TRIM61: variants seen among roughly 807,000 people sequenced by gnomAD.
TRIM61 encodes the protein tripartite motif containing 61, also known as putative tripartite motif-containing protein 61.
In TRIM61, 1 loss-of-function variant was observed where a neutral mutation model predicts 14.2. That is an observed-to-expected ratio of 0.07 (90% CI 0.03 to 0.33). TRIM61 has a LOEUF of 0.33. Ranked by LOEUF, TRIM61 falls within the 10% of genes least tolerant of loss-of-function variation. The probability of loss-of-function intolerance (pLI) is 0.99; values close to 1 mark genes in which losing one functional copy is unlikely to be tolerated. For missense variants in TRIM61, 19 were observed against 202.2 expected, an observed-to-expected ratio of 0.09 and a Z score of 5.49; for synonymous variants, 8 against 71.6, an observed-to-expected ratio of 0.11 and a Z score of 4.49.
intron 2 of TRIM61, among the ~76,000 whole-genome samples, chr4:164,975,274 A>T (rs1732457435): frequency 6.6e-6 from 1 of 152,080 alleles, no homozygotes; most frequent in Non-Finnish European, 1.5e-5. Context: ...ATAGTTAGTA[A>T]ACTGCAGAGC....
intron 2 of TRIM61, among the ~76,000 whole-genome samples, chr4:164,976,318 T>C (rs1028236431): frequency 6.6e-6 from 1 of 152,202 alleles, no homozygotes; most frequent in Non-Finnish European, 1.5e-5. Context: ...TTATTTCTTT[T>C]CTCAGTCTCT....
chr4:164,958,516 G>A (rs1560882470), intron 3 of TRIM61: 2 of 166,998 alleles, frequency 1.2e-5, no homozygotes, highest in East Asian at 1.9e-4. Flanking sequence ...TTTAGGAGAG[G>A]AGCTCTTCAA....
intron 3 of TRIM61, among the ~76,000 whole-genome samples, chr4:164,965,090 C>T (rs562846391): frequency 5.9e-5 from 9 of 152,102 alleles, no homozygotes; most frequent in Non-Finnish European, 1.0e-4. Context: ...AAGTTTGAGA[C>T]CAGCCTGGCC....
At position 164,955,008 on chromosome 4, in the gene TRIM61, G is replaced by A. The variant is rs1318234793; in HGVS notation, c.614C>T (p.Ser205Phe). Reference sequence around the variant, plus strand: ...CCCAGCTACTCAGGAGCCAGAGGCAGAAGAATCGCTTGATCCCGGGAGGCG... The same window carrying A: ...CCCAGCTACTCAGGAGCCAGAGGCAAAAGAATCGCTTGATCCCGGGAGGCG... The change falls in exon 4 of 5, where the codon TCT becomes TTT. Residue 205 changes from serine to phenylalanine, a missense_variant. By Grantham distance (155) the Ser-to-Phe change is radical. Coordinates refer to ENST00000329314, the MANE Select transcript of TRIM61 (RefSeq NM_001012414.3). 1.3e-5 allele frequency: 4 copies of A among 297,632 alleles called. No individual in the cohort carries two copies. The highest frequency in any genetic ancestry group is 2.6e-5 in the South Asian group (1 of 38,640). 18.4% of individuals were successfully genotyped at this position (297,632 alleles called of 1,614,324 possible). A position where few individuals can be genotyped will look rare whatever the true frequency, so the allele number is the denominator to read the frequency against.
At chr4:164,957,537 A>C (rs1732040682) in intron 3 of TRIM61, 1 of 1,547,032 alleles carries the variant, frequency 6.5e-7, no homozygotes. Flanking sequence ...GGGACATCTG[A>C]CATCTGAAAC....
At chr4:164,966,821 C>T (rs1188350645) in intron 3 of TRIM61, among the ~76,000 whole-genome samples, 5 of 151,900 alleles carry the variant, frequency 3.3e-5, no homozygotes, top group East Asian at 1.9e-4. Flanking sequence ...GGAGAGGGTG[C>T]GGTGCTGAGG....
intron 3 of TRIM61, among the ~76,000 whole-genome samples, chr4:164,966,864 T>C (rs1043799706): frequency 1.3e-5 from 2 of 151,804 alleles, no homozygotes; most frequent in African/African-American, 4.8e-5. Context: ...GAGGCGGAGG[T>C]TGCAGTGAGA....
chr4:164,966,548 A>G (rs535742033), intron 3 of TRIM61, among the ~76,000 whole-genome samples: 4 of 152,264 alleles, frequency 2.6e-5, no homozygotes, highest in Non-Finnish European at 5.9e-5. Context: ...AAAAGTGGTT[A>G]TAAAGCAATA....
chr4:164,963,337 A>C (rs1732174349), intron 3 of TRIM61, among the ~76,000 whole-genome samples: 1 of 152,236 alleles, frequency 6.6e-6, no homozygotes, highest in Non-Finnish European at 1.5e-5. Flanking sequence ...TCTTGTCTCC[A>C]GTGAAAACAA....
chr4:164,968,818 A>G, intron 3 of TRIM61: 1 of 981,122 alleles, frequency 1.0e-6, no homozygotes, highest in Non-Finnish European at 1.2e-6. Flanking sequence ...CAATATAATT[A>G]TTCTGACTAG....
intron 2 of TRIM61, among the ~76,000 whole-genome samples, chr4:164,971,113 A>G (rs1490684319): frequency 6.6e-6 from 1 of 152,150 alleles, no homozygotes; most frequent in Non-Finnish European, 1.5e-5. Context: ...CCCTCAAAAA[A>G]AATGGGGAAC....
chr4:164,977,112 T>C (rs1395378354), intron 1 of TRIM61, among the ~76,000 whole-genome samples: 4 of 152,100 alleles, frequency 2.6e-5, no homozygotes, highest in South Asian at 2.1e-4. Context: ...ATCTACAAAG[T>C]TGAAATGATA....
At chr4:164,961,962 A>C (rs538552841) in intron 3 of TRIM61, among the ~76,000 whole-genome samples, 1 of 152,306 alleles carries the variant, frequency 6.6e-6, no homozygotes, top group Admixed American at 6.5e-5. Context: ...GTACAGCTGA[A>C]TGCTTCTAGG....
intron 2 of TRIM61, among the ~76,000 whole-genome samples, chr4:164,976,113 T>C (rs1363353085): frequency 6.6e-6 from 1 of 152,192 alleles, no homozygotes; most frequent in Non-Finnish European, 1.5e-5. Flanking sequence ...ATAGATTCTA[T>C]TGCTCACATG....
intron 2 of TRIM61, among the ~76,000 whole-genome samples, chr4:164,973,284 G>C (rs998709187): frequency 2.0e-5 from 3 of 152,192 alleles, no homozygotes; most frequent in African/African-American, 7.2e-5. Context: ...ACAAGAATTT[G>C]AACATGCTTA....
At chr4:164,963,382 G>A (rs1271709606) in intron 3 of TRIM61, among the ~76,000 whole-genome samples, 2 of 152,142 alleles carry the variant, frequency 1.3e-5, no homozygotes, top group African/African-American at 4.8e-5. Context: ...TTCTTTTCAA[G>A]CTCCTATGGG....
intron 3 of TRIM61, chr4:164,969,256 C>A: frequency 7.1e-7 from 1 of 1,409,472 alleles, no homozygotes; most frequent in African/African-American, 1.4e-5. Context: ...TAACATTTGC[C>A]AGTAATTCCA....
chr4:164,967,378 T>G (rs564214090), intron 3 of TRIM61, among the ~76,000 whole-genome samples: 1 of 152,348 alleles, frequency 6.6e-6, no homozygotes, highest in East Asian at 1.9e-4. Context: ...GTCACCCATC[T>G]GTGATCTATT....
Position 164,958,798 on chromosome 4 carries a change from G to A in TRIM61, c.526-3702C>T, listed in dbSNP as rs576811221. 16 of 167,086 alleles carry A rather than the reference G, an allele frequency of 9.6e-5. 1 individual carries two copies. The South Asian group carries it at 2.9e-3, about 30-fold the overall frequency. The allele number at this position is 167,086 out of a possible 1,614,324, so 10.4% of individuals were successfully genotyped here. A position where few individuals can be genotyped will look rare whatever the true frequency, so the allele number is the denominator to read the frequency against. Reference sequence around the variant, plus strand: ...TTATATAAAAACAAAAACCTCCTGGGTCATGCCATCCTACACCAAATTCCT... The same window carrying A: ...TTATATAAAAACAAAAACCTCCTGGATCATGCCATCCTACACCAAATTCCT... On this transcript the variant is annotated intron_variant, in intron 3 of 4. Coordinates refer to ENST00000329314, the MANE Select transcript of TRIM61 (RefSeq NM_001012414.3).
Sources: gnomAD v4.1 joint callset for allele counts (sites outside exome capture counted in the v4.1 genomes callset) on GRCh38, gnomAD v4.1.1 for gene constraint, MANE v1.5 for transcripts, NCBI Gene and HGNC (gene_info 2026-07-23, HGNC 2026-07-21) for gene names.